Variants in IRAG1 observed in about 807,000 individuals in gnomAD.
IRAG1 encodes the protein inositol 1,4,5-triphosphate receptor associated 1.
A neutral mutation model predicts 106.2 loss-of-function variants in IRAG1; 62 were observed. The ratio of observed to expected loss-of-function variants is 0.58; its 90% confidence interval spans 0.48 to 0.72. IRAG1 has a LOEUF of 0.72. IRAG1 is among the 30% of genes least tolerant of loss of function. IRAG1 has a pLI of 0.00. For missense variants in IRAG1, 1,064 were observed against 1,140.7 expected (o/e 0.93, Z 0.97); for synonymous variants, 462 against 443.9 (o/e 1.04, Z -0.51).
chr11:10,680,364 A>G (rs202077918), intron 1 of IRAG1, among the ~76,000 whole-genome samples: 295 of 48,294 alleles, frequency 6.1e-3, no homozygotes, highest in African/African-American at 0.028. Context: ...AAAGAAAGAA[A>G]GAAAGAAGGA....
intron 12 of IRAG1, among the ~76,000 whole-genome samples, chr11:10,606,225 C>A (rs1175519336): frequency 6.6e-6 from 1 of 152,192 alleles, no homozygotes; most frequent in African/African-American, 2.4e-5. Context: ...TTCCCCTCAG[C>A]TCACTCACAA....
At chr11:10,606,848 C>A (rs1854517651) in intron 11 of IRAG1, 76 bp from the exon 12 acceptor site, 22 of 1,393,730 alleles carry the variant, frequency 1.6e-5, no homozygotes, top group Non-Finnish European at 2.0e-5. Flanking sequence ...GAATGACCAG[C>A]AGACCATGTG....
At chr11:10,611,583 A>C (rs1488196915) in intron 10 of IRAG1, 1 of 152,200 alleles carries the variant, frequency 6.6e-6, no homozygotes, top group Admixed American at 6.5e-5. Flanking sequence ...AACAACAAAA[A>C]ATTTCAGAAC....
rs1412769126 is a variant in IRAG1 at position 10,633,106 on chromosome 11, GCA to G, written c.329+860_329+861del. ...TTTTTTTTTTTTGAGACGGAGTCTCGCACTGTCGCCCAGGCTGGAGTGCAGTG... is the reference window on the plus strand; with the variant it reads ...TTTTTTTTTTTTGAGACGGAGTCTCGCTGTCGCCCAGGCTGGAGTGCAGTG... On this transcript the variant is annotated intron_variant, in intron 3 of 20. Transcript: ENST00000423302. 4.6e-5 allele frequency among the ~76,000 whole-genome samples: 6 copies of G among 130,084 alleles called. No homozygotes were observed. The South Asian group carries it at 1.4e-3, about 30-fold the overall frequency. The allele number at this position is 130,084 out of a possible 152,430, so 85.3% of individuals were successfully genotyped here. A position where few individuals can be genotyped will look rare whatever the true frequency, so the allele number is the denominator to read the frequency against.
chr11:10,634,899 A>G (rs749321337), intron 2 of IRAG1, among the ~76,000 whole-genome samples: 2 of 152,150 alleles, frequency 1.3e-5, no homozygotes, highest in Non-Finnish European at 2.9e-5. Flanking sequence ...GCACACATAT[A>G]GGTTATTTGG....
intron 19 of IRAG1, among the ~76,000 whole-genome samples, 193 bp from the exon 20 acceptor site, chr11:10,580,782 C>T (rs1337784064): frequency 1.3e-5 from 2 of 152,202 alleles, no homozygotes; most frequent in African/African-American, 4.8e-5. Flanking sequence ...TCCCCTCACT[C>T]CTCAGTCATC....
At chr11:10,644,357 C>A (rs902798585) in intron 2 of IRAG1, among the ~76,000 whole-genome samples, 2 of 152,104 alleles carry the variant, frequency 1.3e-5, no homozygotes, top group African/African-American at 2.4e-5. Context: ...TCTTGTATAC[C>A]AGATACTAAT....
intron 1 of IRAG1, among the ~76,000 whole-genome samples, chr11:10,680,344 G>GGAAGAAAGAAA (rs1861071125): frequency 1.5e-5 from 1 of 67,970 alleles, no homozygotes; most frequent in African/African-American, 6.5e-5. Flanking sequence ...AAGGAAGGAA[G>GGAAGAAAGAAA]GAAAGAAAGA....
intron 1 of IRAG1, among the ~76,000 whole-genome samples, chr11:10,680,418 A>AGAAAGG (rs1564942742): frequency 2.2e-4 from 28 of 128,060 alleles, no homozygotes; most frequent in African/African-American, 7.2e-4. Flanking sequence ...AGAAAGGGAA[A>AGAAAGG]GAAAGAAAGA....
intron 1 of IRAG1, among the ~76,000 whole-genome samples, chr11:10,677,914 A>ACAAAAACCT (rs1860820782): frequency 6.6e-6 from 1 of 152,208 alleles, no homozygotes; most frequent in Non-Finnish European, 1.5e-5. Flanking sequence ...TTTCACTTAG[A>ACAAAAACCT]TAATGTTTTT....
intron 2 of IRAG1, among the ~76,000 whole-genome samples, chr11:10,639,169 C>T (rs1304377493): frequency 1.3e-5 from 2 of 152,236 alleles, no homozygotes; most frequent in East Asian, 3.8e-4. Context: ...ATCTGCCTGC[C>T]TTGGCCTCCC....
At chr11:10,672,732 A>T (rs1367048419) in intron 1 of IRAG1, among the ~76,000 whole-genome samples, 1 of 152,248 alleles carries the variant, frequency 6.6e-6, no homozygotes, top group Non-Finnish European at 1.5e-5. Flanking sequence ...GAAATGTAAA[A>T]TGGCGTAACC....
intron 11 of IRAG1, 51 bp from the exon 12 acceptor site, chr11:10,606,823 C>A: frequency 2.6e-6 from 4 of 1,513,614 alleles, no homozygotes; most frequent in Non-Finnish European, 3.6e-6. Flanking sequence ...AGTCAATAGA[C>A]CCAAAGGTGA....
chr11:10,618,131 A>G (rs1288449357), intron 10 of IRAG1, among the ~76,000 whole-genome samples: 5 of 152,186 alleles, frequency 3.3e-5, no homozygotes, highest in Non-Finnish European at 7.3e-5. Flanking sequence ...CTTAGTTCAC[A>G]TGACATTCCT....
chr11:10,663,302 C>T (rs1461918423), intron 1 of IRAG1, among the ~76,000 whole-genome samples: 2 of 152,200 alleles, frequency 1.3e-5, no homozygotes, highest in East Asian at 3.9e-4. Context: ...CCTCCTACTT[C>T]TCCATCATCT....
At chr11:10,686,716 TC>T (rs748698392) in intron 1 of IRAG1, among the ~76,000 whole-genome samples, 1 of 152,100 alleles carries the variant, frequency 6.6e-6, no homozygotes, top group Non-Finnish European at 1.5e-5. Flanking sequence ...GGCTTGGTGG[TC>T]TGATGGTTTT....
intron 2 of IRAG1, among the ~76,000 whole-genome samples, chr11:10,637,248 G>C (rs1857212277): frequency 6.6e-6 from 1 of 152,176 alleles, no homozygotes; most frequent in Admixed American, 6.5e-5. Context: ...TCTCCATTTG[G>C]AAACCTAGAG....
At chr11:10,688,213 G>A (rs1861807513) in intron 1 of IRAG1, among the ~76,000 whole-genome samples, 1 of 152,124 alleles carries the variant, frequency 6.6e-6, no homozygotes, top group Non-Finnish European at 1.5e-5. Context: ...CAGCTCAAGG[G>A]ATACAGCTGG....
intron 10 of IRAG1, among the ~76,000 whole-genome samples, chr11:10,618,368 T>C (rs929731518): frequency 1.2e-4 from 18 of 152,204 alleles, no homozygotes; most frequent in African/African-American, 4.3e-4. Context: ...TCTATTCTTA[T>C]GTTTCCTCTC....
Sources: gnomAD v4.1 joint callset for allele counts (sites outside exome capture counted in the v4.1 genomes callset) on GRCh38, gnomAD v4.1.1 for gene constraint, MANE v1.5 for transcripts, NCBI Gene and HGNC (gene_info 2026-07-23, HGNC 2026-07-21) for gene names.